Variants in CDK10 observed in about 807,000 individuals in gnomAD.
CDK10 encodes the protein cyclin dependent kinase 10.
A neutral mutation model predicts 51.0 loss-of-function variants in CDK10; 55 were observed. The ratio of observed to expected loss-of-function variants is 1.08; its 90% CI spans 0.87 to 1.35. The LOEUF (loss-of-function observed/expected upper bound fraction) is 1.35. CDK10 is among the 40% of genes most tolerant of loss of function. The pLI is 0.00. For missense variants in CDK10, 589 were observed against 485.1 expected (o/e 1.21, Z -2.01); for synonymous variants, 255 against 199.1 (o/e 1.28, Z -2.36).
In CDK10 at chr16:89,694,960, G is replaced by A. The variant is rs140174745; in HGVS notation, c.822G>A (p.Gln274=). 6.5e-4 allele frequency: 1,052 copies of A among 1,613,272 alleles called. 10 individuals are homozygous for A. In the East Asian group the frequency reaches 0.017, roughly 26 times the overall value. The change falls in exon 11 of 13, where the codon CAG becomes CAA. Residue 274 remains glutamine (Q), a synonymous_variant. Coordinates refer to ENST00000353379, the MANE Select transcript of CDK10 (RefSeq NM_052988.5). ...PGFSKLPLVG[Q]YSLRKQPYNN... is the part of the protein sequence containing the mutation. ...TTTCCAAGCTGCCACTGGTCGGCCA[G>A]TACAGCCTCCGGAAGCAGCCCTACA...
intron 4 of CDK10, 31 bp downstream of exon 4, chr16:89,691,576 C>G: frequency 1.3e-6 from 2 of 1,562,742 alleles, no homozygotes; most frequent in Non-Finnish European, 1.8e-6. Flanking sequence ...CACATTGGGC[C>G]CTAGGGAGCA....
chr16:89,686,860 T>G (rs1177052693), intron 1 of CDK10, 63 bp downstream of exon 1: 1 of 1,406,844 alleles, frequency 7.1e-7, no homozygotes, highest in Non-Finnish European at 9.8e-7. Flanking sequence ...CGGCTGGGTC[T>G]GGGGAGCCTC....
At chr16:89,695,433 G>A (rs2060676314) in intron 12 of CDK10, 88 bp downstream of exon 12, 5 of 1,504,436 alleles carry the variant, frequency 3.3e-6, no homozygotes, top group African/African-American at 2.7e-5. Context: ...GTGGCCTGCT[G>A]CCCTCACTGA....
intron 11 of CDK10, 97 bp downstream of exon 11, chr16:89,695,167 C>G (rs1215794715): frequency 7.8e-6 from 12 of 1,540,902 alleles, no homozygotes; most frequent in Non-Finnish European, 1.1e-5. Flanking sequence ...AGGCCCCTCC[C>G]CAGGCACAGC....
chr16:89,695,024 G>A lies in CDK10; in HGVS notation c.886G>A (p.Gly296Arg), dbSNP rs907552522. 5.0e-6 allele frequency: 8 copies of A among 1,613,118 alleles called. No homozygotes were observed. Among genetic ancestry groups the A allele is most frequent in the African/African-American group, 1.3e-5 (1 of 74,932 alleles). Residue 296 changes from glycine to arginine, a missense_variant, in exon 11 of 13, where the codon GGG (glycine) becomes AGG (arginine). Physicochemically the swap from Gly to Arg is moderately radical, Grantham distance 125 (BLOSUM62 -2). Coordinates refer to ENST00000353379, the MANE Select transcript of CDK10 (RefSeq NM_052988.5). ...CAAGTTCCCATGGCTGTCGGAGGCCGGGCTGCGCCTGCTGCACTTCCTGTT... is the reference window on the plus strand; with the variant it reads ...CAAGTTCCCATGGCTGTCGGAGGCCAGGCTGCGCCTGCTGCACTTCCTGTT... ...KHKFPWLSEA[G>R]LRLLHFLFMY...
intron 2 of CDK10, chr16:89,689,609 G>A (rs1309231171): frequency 2.6e-6 from 1 of 384,168 alleles, no homozygotes; most frequent in African/African-American, 2.1e-5. Flanking sequence ...CTTTCCAGAA[G>A]CAGCAGGAGC....
Position 89,693,270 on chromosome 16 carries a change from A to C in CDK10, c.486-4A>C, listed in dbSNP as rs775361013. 6.2e-7 allele frequency: 1 copy of C among 1,613,904 alleles called. No individual in the cohort carries two copies. Among genetic ancestry groups the C allele is most frequent in the Non-Finnish European group, 8.5e-7 (1 of 1,180,008 alleles). On this transcript the variant is annotated splice_polypyrimidine_tract_variant and splice_region_variant and intron_variant, in intron 6 of 12. Transcript: ENST00000353379. ...AGCCACCTGCCACTGTTTTTCCATC[A>C]CAGGGACCTGAAGGTTTCCAACTTG... is the stretch of plus-strand genomic sequence containing the variant.
chr16:89,694,476 C>T, intron 9 of CDK10, 189 bp from the exon 10 acceptor site: 1 of 1,068,670 alleles, frequency 9.4e-7, no homozygotes, highest in Non-Finnish European at 1.4e-6. Flanking sequence ...CTGCACTTGT[C>T]ACCCCGGGAG....
intron 1 of CDK10, 162 bp downstream of exon 1, chr16:89,686,959 C>T: frequency 1.7e-6 from 1 of 600,030 alleles, no homozygotes; most frequent in South Asian, 2.3e-5. Flanking sequence ...CGGGGCGGGG[C>T]GGGCTCAGGA....
chr16:89,687,406 C>T (rs1219207367), intron 1 of CDK10: 2 of 442,488 alleles, frequency 4.5e-6, no homozygotes, highest in Admixed American at 4.7e-5. Flanking sequence ...CTGGCTGGTG[C>T]TCTGAGAGGC....
rs1263380403 is a variant in CDK10 at position 89,691,510 on chromosome 16, G to A, written c.300G>A (p.Glu100=). ...GCCTGCGTCATCCGAACATCGTGGA[G>A]CTGAAGGAGGTGGTTGTGGGGAACC... ...LLRLRHPNIV[E]LKEVVVGNHL... The change falls in exon 4 of 13, where the codon GAG becomes GAA. Residue 100 remains glutamate, a synonymous_variant. Transcript: ENST00000353379. 6.2e-6 allele frequency: 10 copies of A among 1,613,908 alleles called. No individual in the cohort carries two copies. In the Admixed American group the frequency reaches 1.2e-4, roughly 19 times the overall value.
chr16:89,695,346 G>A lies in CDK10; in HGVS notation c.985+1G>A, dbSNP rs1355104322. The A allele has an allele frequency of 5.6e-6, 9 of 1,612,346 alleles. No individual in the cohort carries two copies. The highest frequency in any genetic ancestry group is 1.1e-5 in the South Asian group (1 of 90,994). ...TCCTATTTCAAGGAGAAGCCCCTACGTGAGTGTGCAGGGTTCCTGACTCGC... is the reference window on the plus strand; with the variant it reads ...TCCTATTTCAAGGAGAAGCCCCTACATGAGTGTGCAGGGTTCCTGACTCGC... On this transcript the variant is annotated splice_donor_variant, in intron 12 of 12. Coordinates refer to ENST00000353379, the MANE Select transcript of CDK10 (RefSeq NM_052988.5). LOFTEE classifies it high-confidence loss of function.
intron 8 of CDK10, chr16:89,693,838 T>C: frequency 1.8e-6 from 1 of 549,360 alleles, no homozygotes; most frequent in East Asian, 3.2e-5. Flanking sequence ...GGGTCATGCT[T>C]AGCCAGGGCT....
chr16:89,687,245 G>T, intron 1 of CDK10: 2 of 329,914 alleles, frequency 6.1e-6, no homozygotes, highest in Non-Finnish European at 1.2e-5. Context: ...GGCTTCACGC[G>T]AACCCTGGGC....
chr16:89,686,774 T>C lies in CDK10; in HGVS notation c.64T>C (p.Phe22Leu), dbSNP rs1309317821. The C allele has an allele frequency of 6.2e-7, 1 of 1,612,224 alleles. No individual in the cohort carries two copies. Among genetic ancestry groups the C allele is most frequent in the Admixed American group, 1.7e-5 (1 of 59,934 alleles). The change falls in exon 1 of 13, where the codon TTC (phenylalanine) becomes CTC (leucine). Residue 22 changes from phenylalanine (F) to leucine (L), a missense_variant. Physicochemically the swap from Phe to Leu is conservative, Grantham distance 22. Transcript: ENST00000353379. Reference sequence around the variant, plus strand: ...GAAGTGTATTCGTAAGGAGGGCTTCTTCACGGTGCCTCCGGAACACAGGGT... The same window carrying C: ...GAAGTGTATTCGTAAGGAGGGCTTCCTCACGGTGCCTCCGGAACACAGGGT... ...RLKCIRKEGFFTVPPEHRLGR... is the reference protein window; with the variant it reads ...RLKCIRKEGFLTVPPEHRLGR...
At chr16:89,695,480 G>A in intron 12 of CDK10, 115 bp from the exon 13 acceptor site, 1 of 1,465,098 alleles carries the variant, frequency 6.8e-7, no homozygotes. Flanking sequence ...ACAGGGGCAT[G>A]TGGAGGCACA....
chr16:89,690,280 A>T, intron 2 of CDK10: 1 of 497,604 alleles, frequency 2.0e-6, no homozygotes, highest in East Asian at 3.3e-5. Context: ...GGACATGGAG[A>T]GCCTGGAGCC....
intron 5 of CDK10, chr16:89,692,095 T>C: frequency 1.7e-6 from 1 of 601,598 alleles, no homozygotes; most frequent in Non-Finnish European, 2.9e-6. Context: ...GAGAGCCTTA[T>C]GAGGGCACTG....
intron 1 of CDK10, 104 bp downstream of exon 1, chr16:89,686,901 A>G (rs2060213790): frequency 1.0e-6 from 1 of 970,788 alleles, no homozygotes. Flanking sequence ...GGCTTCCGGC[A>G]CGGGCGGGAA....
Sources: gnomAD v4.1 joint callset for allele counts on GRCh38, gnomAD v4.1.1 for gene constraint, MANE v1.5 for transcripts, NCBI Gene and HGNC (gene_info 2026-07-23, HGNC 2026-07-21) for gene names.